SH3RF3: variants seen among roughly 807,000 people sequenced by gnomAD.
SH3RF3 encodes E3 ubiquitin-protein ligase SH3RF3.
SH3RF3 carries 29 observed loss-of-function variants against 66.3 expected under a neutral mutation model. The ratio of observed to expected loss-of-function variants is 0.44; its 90% CI spans 0.33 to 0.60. The LOEUF (loss-of-function observed/expected upper bound fraction) is 0.60. SH3RF3 is among the 20% of genes least tolerant of loss of function. The probability of loss-of-function intolerance (pLI) is 0.04; values close to 1 mark genes in which losing one functional copy is unlikely to be tolerated. For synonymous variants in SH3RF3, 583 were observed against 532.0 expected (o/e 1.10, Z -1.32); for missense variants, 1,194 against 1,190.9 (o/e 1.00, Z -0.04).
intron 1 of SH3RF3, among the ~76,000 whole-genome samples, chr2:109,173,912 C>T (rs775651336): frequency 6.6e-6 from 1 of 152,180 alleles, no homozygotes; most frequent in Non-Finnish European, 1.5e-5. Context: ...ATGTGAAATC[C>T]GGTGTGGGCC....
intron 5 of SH3RF3, 135 bp from the exon 6 acceptor site, chr2:109,432,366 T>C: frequency 8.8e-7 from 1 of 1,139,624 alleles, no homozygotes; most frequent in Non-Finnish European, 1.2e-6. Flanking sequence ...CTCTGTAAAC[T>C]GCAGAGCCCC....
chr2:109,433,216 A>G (rs948405933), intron 6 of SH3RF3, among the ~76,000 whole-genome samples: 4 of 152,268 alleles, frequency 2.6e-5, no homozygotes, highest in African/African-American at 4.8e-5. Context: ...AGTGTGTGTC[A>G]TCATATATAG....
At chr2:109,334,381 TAAAAAA>T (rs67450565) in intron 1 of SH3RF3, among the ~76,000 whole-genome samples, 1 of 144,144 alleles carries the variant, frequency 6.9e-6, no homozygotes, top group African/African-American at 2.6e-5. Context: ...AAAAAAATCT[TAAAAAA>T]AAATAAAGAC....
At chr2:109,296,108 C>T (rs1681299701) in intron 1 of SH3RF3, among the ~76,000 whole-genome samples, 1 of 152,126 alleles carries the variant, frequency 6.6e-6, no homozygotes, top group Non-Finnish European at 1.5e-5. Flanking sequence ...CTGCTGGGTC[C>T]ATTCACTGTT....
At chr2:109,455,092 G>A (rs1678002371) in intron 8 of SH3RF3, among the ~76,000 whole-genome samples, 1 of 152,206 alleles carries the variant, frequency 6.6e-6, no homozygotes, top group Admixed American at 6.5e-5. Context: ...GGGCCACACA[G>A]CATCGGCAGT....
intron 1 of SH3RF3, among the ~76,000 whole-genome samples, chr2:109,227,474 T>G (rs1679398895): frequency 6.6e-6 from 1 of 152,216 alleles, no homozygotes; most frequent in Admixed American, 6.5e-5. Context: ...ATGAGGATGG[T>G]GACATTGAAG....
intron 1 of SH3RF3, among the ~76,000 whole-genome samples, chr2:109,303,346 G>T (rs1050853796): frequency 3.3e-5 from 5 of 152,230 alleles, no homozygotes; most frequent in African/African-American, 1.2e-4. Context: ...CAAGGTGTGC[G>T]TTCAGTTGAA....
chr2:109,371,460 G>A (rs1485244946), intron 2 of SH3RF3, 126 bp from the exon 3 acceptor site: 8 of 684,682 alleles, frequency 1.2e-5, no homozygotes, highest in Non-Finnish European at 1.6e-5. Context: ...AATGGATAAT[G>A]CACTCTTCTT....
chr2:109,199,841 A>C (rs1574500461), intron 1 of SH3RF3, among the ~76,000 whole-genome samples: 1 of 151,770 alleles, frequency 6.6e-6, no homozygotes, highest in Non-Finnish European at 1.5e-5. Flanking sequence ...ATGGAATGGA[A>C]TGGAATGGAA....
At chr2:109,291,201 A>C (rs1028797542) in intron 1 of SH3RF3, among the ~76,000 whole-genome samples, 1 of 152,220 alleles carries the variant, frequency 6.6e-6, no homozygotes, top group Admixed American at 6.5e-5. Flanking sequence ...TTCCTTTGAA[A>C]ATGCTGTCAG....
At chr2:109,250,448 A>G (rs1381929716) in intron 1 of SH3RF3, among the ~76,000 whole-genome samples, 2 of 152,052 alleles carry the variant, frequency 1.3e-5, no homozygotes, top group South Asian at 2.1e-4. Context: ...AAATTTTGAT[A>G]TACTCGGAAA....
At position 109,223,093 on chromosome 2, in the gene SH3RF3, ATC is replaced by A. The variant is rs1392407668; in HGVS notation, c.573+92981_573+92982del. 4.6e-5 allele frequency among the ~76,000 whole-genome samples: 7 copies of A among 152,306 alleles called. No individual in the cohort carries two copies. In the East Asian group the frequency reaches 1.4e-3, roughly 29 times the overall value. The stretch of plus-strand genomic sequence containing the variant: ...TGGCACCACGCCCTGATGCTTCTCC[ATC>A]CCAGACAGGGGGAAGCAGGTGGTTG... On this transcript the variant is annotated intron_variant, in intron 1 of 9. Coordinates refer to ENST00000309415, the MANE Select transcript of SH3RF3 (RefSeq NM_001099289.3).
intron 1 of SH3RF3, among the ~76,000 whole-genome samples, chr2:109,240,195 C>G (rs1679745212): frequency 6.6e-6 from 1 of 152,212 alleles, no homozygotes; most frequent in South Asian, 2.1e-4. Flanking sequence ...CCTCAGTTTT[C>G]TCACATGCAA....
intron 3 of SH3RF3, among the ~76,000 whole-genome samples, chr2:109,376,915 G>C (rs144744311): frequency 1.1e-3 from 171 of 152,350 alleles, no homozygotes; most frequent in African/African-American, 4.0e-3. Context: ...CCTGTGCCTA[G>C]ATAGACCCTA....
intron 1 of SH3RF3, among the ~76,000 whole-genome samples, chr2:109,333,672 C>T (rs1026191662): frequency 1.3e-5 from 2 of 152,152 alleles, no homozygotes; most frequent in Admixed American, 6.5e-5. Context: ...GTTTGCTGAC[C>T]GCTGGCATAG....
rs772883959 is a variant in SH3RF3 at position 109,422,634 on chromosome 2, C to T, written c.1403+2992C>T. Among the ~76,000 whole-genome samples, 7 of 152,286 alleles carry T rather than the reference C, an allele frequency of 4.6e-5. No individual in the cohort carries two copies. The South Asian group carries it at 1.2e-3, about 27-fold the overall frequency. ...GTTGGGCTGGGGCTTGTCCGCCATT[C>T]CTCTGGCAGACCTGCTGTGATTTGG... On this transcript the variant is annotated intron_variant, in intron 5 of 9. Coordinates refer to ENST00000309415, the MANE Select transcript of SH3RF3 (RefSeq NM_001099289.3).
At chr2:109,154,866 A>G (rs1280570697) in intron 1 of SH3RF3, among the ~76,000 whole-genome samples, 1 of 152,212 alleles carries the variant, frequency 6.6e-6, no homozygotes, top group African/African-American at 2.4e-5. Context: ...CCCTAAGGAA[A>G]TTCTTCGGGA....
chr2:109,136,903 C>G (rs182769796), intron 1 of SH3RF3, among the ~76,000 whole-genome samples: 229 of 152,230 alleles, frequency 1.5e-3, no homozygotes, highest in Non-Finnish European at 2.4e-3. Flanking sequence ...ACCAGAGAAT[C>G]AGGGAGTTCG....
At chr2:109,484,574 A>G (rs1224034112) in intron 8 of SH3RF3, among the ~76,000 whole-genome samples, 5 of 152,046 alleles carry the variant, frequency 3.3e-5, no homozygotes, top group African/African-American at 1.2e-4. Flanking sequence ...CTCCTGCCCT[A>G]TCAGCTAATC....
Sources: gnomAD v4.1 joint callset for allele counts (sites outside exome capture counted in the v4.1 genomes callset) on GRCh38, gnomAD v4.1.1 for gene constraint, MANE v1.5 for transcripts, NCBI Gene and HGNC (gene_info 2026-07-23, HGNC 2026-07-21) for gene names.